The following WIPF3 variants were observed in gnomAD, a reference collection of about 807,000 sequenced individuals.
WIPF3 encodes the protein WAS/WASL-interacting protein family member 3.
A neutral mutation model predicts 38.9 loss-of-function variants in WIPF3; 33 were observed. The ratio of observed to expected loss-of-function variants is 0.85; its 90% confidence interval spans 0.64 to 1.14. WIPF3 has a LOEUF of 1.14. Ranked by LOEUF, WIPF3 falls within the 50% of genes most tolerant of loss-of-function variation. The pLI is 0.00. For missense variants in WIPF3, 711 were observed against 652.5 expected (o/e 1.09, Z -0.98); for synonymous variants, 324 against 269.3 (o/e 1.20, Z -1.99).
intron 2 of WIPF3, among the ~76,000 whole-genome samples, chr7:29,855,794 C>T (rs1210368563): frequency 2.0e-5 from 3 of 152,188 alleles, no homozygotes; most frequent in Non-Finnish European, 4.4e-5. Flanking sequence ...CATTTTTTCT[C>T]ACTCTACTGT....
intron 6 of WIPF3, among the ~76,000 whole-genome samples, chr7:29,888,496 TGTGCGTGTGTGTGC>T (rs1458348633): frequency 1.0e-4 from 4 of 38,402 alleles, no homozygotes; most frequent in African/African-American, 2.6e-4. Flanking sequence ...TGTGTGTGCG[TGTGCGTGTGTGTGC>T]GTGTGTGTGT....
At chr7:29,813,368 A>G (rs1305905004) in intron 1 of WIPF3, among the ~76,000 whole-genome samples, 1 of 152,204 alleles carries the variant, frequency 6.6e-6, no homozygotes, top group Non-Finnish European at 1.5e-5. Flanking sequence ...AATAAGGTCC[A>G]AAAGCCCAGC....
At chr7:29,893,732 T>C (rs1786073588) in intron 7 of WIPF3, among the ~76,000 whole-genome samples, 1 of 152,158 alleles carries the variant, frequency 6.6e-6, no homozygotes, top group African/African-American at 2.4e-5. Context: ...AAAATGCAAA[T>C]GTACAGAATC....
At chr7:29,848,095 G>T (rs1785031153) in intron 2 of WIPF3, among the ~76,000 whole-genome samples, 1 of 152,144 alleles carries the variant, frequency 6.6e-6, no homozygotes, top group Non-Finnish European at 1.5e-5. Context: ...GGAATGGTTT[G>T]TCTTCTCTCC....
chr7:29,898,537 G>A (rs146332388), intron 7 of WIPF3, among the ~76,000 whole-genome samples: 307 of 152,098 alleles, frequency 2.0e-3, no homozygotes, highest in Middle Eastern at 3.4e-3. Flanking sequence ...TCCCCATCTC[G>A]CCCCAAGTCA....
chr7:29,884,034 C>T lies in WIPF3; in HGVS notation c.540C>T (p.Pro180=), dbSNP rs1785784395. ...NVPAPPPPTP[P]PPPPPLPPPL... Reference sequence around the variant, plus strand: ...CTGCCCCGCCCCCTCCCACCCCACCCCCTCCGCCTCCACCCTTACCCCCGC... The same window carrying T: ...CTGCCCCGCCCCCTCCCACCCCACCTCCTCCGCCTCCACCCTTACCCCCGC... The change falls in exon 5 of 9, where the codon CCC becomes CCT. Residue 180 remains proline, a synonymous_variant. Transcript: ENST00000242140. The T allele has an allele frequency of 2.1e-6, 3 of 1,434,296 alleles. No homozygotes were observed. Among genetic ancestry groups the T allele is most frequent in the Non-Finnish European group, 2.8e-6 (3 of 1,080,190 alleles). 88.8% of individuals were successfully genotyped at this position (1,434,296 alleles called of 1,614,324 possible). A position where few individuals can be genotyped will look rare whatever the true frequency, so the allele number is the denominator to read the frequency against.
intron 5 of WIPF3, among the ~76,000 whole-genome samples, chr7:29,886,498 A>G (rs1157397783): frequency 6.6e-6 from 1 of 151,980 alleles, no homozygotes; most frequent in African/African-American, 2.4e-5. Context: ...CTGAGGTTAC[A>G]GGCGTGCACC....
chr7:29,827,325 A>G (rs1784630992), intron 1 of WIPF3, among the ~76,000 whole-genome samples: 1 of 152,246 alleles, frequency 6.6e-6, no homozygotes, highest in Non-Finnish European at 1.5e-5. Flanking sequence ...ATGTGAACAG[A>G]GAATTTGCTC....
intron 2 of WIPF3, among the ~76,000 whole-genome samples, chr7:29,870,910 T>A (rs1241466871): frequency 2.7e-5 from 4 of 148,180 alleles, no homozygotes; most frequent in Admixed American, 6.8e-5. Context: ...TGAGCCAAGA[T>A]CATGCCACTG....
rs376660079 is a variant in WIPF3, at chr7:29,863,890, T to C, written c.91-11940T>C. ...TTTGCTGGTACAGTATATAGTTTTGTGTACTGACCTGGTATCTTATGACCT... is the reference window on the plus strand; with the variant it reads ...TTTGCTGGTACAGTATATAGTTTTGCGTACTGACCTGGTATCTTATGACCT... On this transcript the variant is annotated intron_variant, in intron 2 of 8. Transcript: ENST00000242140. Among the ~76,000 whole-genome samples, 5 of 152,348 alleles carry C rather than the reference T, an allele frequency of 3.3e-5. No individual in the cohort carries two copies. In the South Asian group the frequency reaches 1.0e-3, roughly 32 times the overall value.
At chr7:29,836,078 C>A (rs1784795231) in intron 2 of WIPF3, among the ~76,000 whole-genome samples, 1 of 152,156 alleles carries the variant, frequency 6.6e-6, no homozygotes, top group Non-Finnish European at 1.5e-5. Flanking sequence ...TCTTGCCCTG[C>A]AAGACAGTAG....
At chr7:29,824,588 G>C (rs1342977017) in intron 1 of WIPF3, among the ~76,000 whole-genome samples, 1 of 152,028 alleles carries the variant, frequency 6.6e-6, no homozygotes, top group Non-Finnish European at 1.5e-5. Context: ...ATAAGAAAAT[G>C]TCAACAGTGT....
At chr7:29,912,087 C>T (rs1043749058) in intron 8 of WIPF3, among the ~76,000 whole-genome samples, 1 of 151,994 alleles carries the variant, frequency 6.6e-6, no homozygotes, top group Non-Finnish European at 1.5e-5. Context: ...AACAAGAAAA[C>T]AAATAACCTA....
intron 5 of WIPF3, among the ~76,000 whole-genome samples, chr7:29,886,789 C>A (rs962613737): frequency 2.8e-4 from 43 of 152,064 alleles, no homozygotes; most frequent in African/African-American, 1.0e-3. Flanking sequence ...ACAAATGGGC[C>A]TACTAATAAC....
chr7:29,901,486 T>C (rs557421136), intron 7 of WIPF3, among the ~76,000 whole-genome samples: 13 of 150,880 alleles, frequency 8.6e-5, no homozygotes, highest in African/African-American at 2.4e-4. Context: ...TTTCTTGTCA[T>C]ATTTATGAAA....
chr7:29,813,879 T>G (rs1408538375), intron 1 of WIPF3, among the ~76,000 whole-genome samples: 1 of 152,172 alleles, frequency 6.6e-6, no homozygotes, highest in Non-Finnish European at 1.5e-5. Flanking sequence ...TATAGATATT[T>G]GCTATAAACG....
At chr7:29,819,266 C>CTTGTTTGT (rs879341260) in intron 1 of WIPF3, among the ~76,000 whole-genome samples, 93 of 152,092 alleles carry the variant, frequency 6.1e-4, no homozygotes, top group South Asian at 2.9e-3. Context: ...ATATTCAACT[C>CTTGTTTGT]TTCATAATGG....
chr7:29,860,473 C>T (rs1785256574), intron 2 of WIPF3, among the ~76,000 whole-genome samples: 1 of 152,192 alleles, frequency 6.6e-6, no homozygotes, highest in Non-Finnish European at 1.5e-5. Flanking sequence ...CACACTGGCT[C>T]CACTTTGCCT....
At chr7:29,837,249 G>T (rs1019188370) in intron 2 of WIPF3, among the ~76,000 whole-genome samples, 1 of 151,700 alleles carries the variant, frequency 6.6e-6, no homozygotes, top group South Asian at 2.1e-4. Context: ...CCAGCTACTC[G>T]GGAGGCTGAG....
Sources: gnomAD v4.1 joint callset for allele counts (sites outside exome capture counted in the v4.1 genomes callset) on GRCh38, gnomAD v4.1.1 for gene constraint, MANE v1.5 for transcripts, NCBI Gene and HGNC (gene_info 2026-07-23, HGNC 2026-07-21) for gene names.